RNF185: variants seen among roughly 807,000 people sequenced by gnomAD.
RNF185 encodes the protein E3 ubiquitin-protein ligase RNF185.
Under a neutral mutation model 24.9 loss-of-function variants are expected in RNF185, and 13 were observed. The observed-to-expected ratio is 0.52, with a 90% CI of 0.34 to 0.83. The LOEUF (loss-of-function observed/expected upper bound fraction) is 0.83. RNF185 is among the 40% of genes least tolerant of loss of function. RNF185 has a pLI of 0.01. For synonymous variants in RNF185, 79 were observed against 90.3 expected (o/e 0.88, Z 0.71); for missense variants, 184 against 244.7 (o/e 0.75, Z 1.65).
chr22:31,194,254 T>G (rs1052793746), intron 3 of RNF185, among the ~76,000 whole-genome samples: 1 of 152,062 alleles, frequency 6.6e-6, no homozygotes, highest in Non-Finnish European at 1.5e-5. Flanking sequence ...AAAACGGGAT[T>G]TTTTTTATAT....
intron 5 of RNF185, 73 bp from the exon 6 acceptor site, chr22:31,201,425 T>C: frequency 4.9e-6 from 5 of 1,023,918 alleles, no homozygotes; most frequent in Non-Finnish European, 6.2e-6. Flanking sequence ...CAACGTGAGG[T>C]ATGTTGAGTT....
At chr22:31,171,785 A>T (rs750266818) in intron 1 of RNF185, among the ~76,000 whole-genome samples, 1 of 152,064 alleles carries the variant, frequency 6.6e-6, no homozygotes, top group African/African-American at 2.4e-5. Context: ...CCTGACCAAC[A>T]TGGAGAAACA....
At position 31,206,579 on chromosome 22, in the gene RNF185, ACT is replaced by A. The variant is rs2048316517; in HGVS notation, c.*1996_*1997del. The A allele has an allele frequency of 1.3e-5, 2 of 152,276 alleles. No homozygotes were observed. Among genetic ancestry groups the A allele is most frequent in the South Asian group, 4.1e-4 (2 of 4,828 alleles). The allele number at this position is 152,276 out of a possible 1,614,324, so 9.4% of individuals were successfully genotyped here. A position where few individuals can be genotyped will look rare whatever the true frequency, so the allele number is the denominator to read the frequency against. On this transcript the variant is annotated 3_prime_UTR_variant, in exon 7 of 7. Transcript: ENST00000326132. ...GTGGGTAGGAAAATGAATCATTTGG[ACT>A]CTTCAATGAAATGGAGTGAGCCCAG...
intron 6 of RNF185, 136 bp downstream of exon 6, chr22:31,201,751 C>T (rs760616672): frequency 1.3e-5 from 9 of 673,838 alleles, no homozygotes; most frequent in Non-Finnish European, 2.1e-5. Flanking sequence ...ATATCTTAAG[C>T]TGTTTTTAGA....
intron 1 of RNF185, among the ~76,000 whole-genome samples, chr22:31,173,986 A>G (rs962726873): frequency 2.0e-5 from 3 of 152,224 alleles, no homozygotes; most frequent in Non-Finnish European, 2.9e-5. Flanking sequence ...GCATATGTCT[A>G]TGAGGAATAT....
chr22:31,165,858 C>G (rs981311848), intron 1 of RNF185, among the ~76,000 whole-genome samples: 1 of 152,206 alleles, frequency 6.6e-6, no homozygotes, highest in African/African-American at 2.4e-5. Context: ...CTGCTCATAG[C>G]TACATAACTA....
chr22:31,173,528 A>C (rs1480713282), intron 1 of RNF185, among the ~76,000 whole-genome samples: 2 of 152,246 alleles, frequency 1.3e-5, no homozygotes, highest in East Asian at 1.9e-4. Context: ...GACAAGACGC[A>C]CAAGAACAGA....
At chr22:31,184,401 C>T (rs1410304430) in intron 1 of RNF185, among the ~76,000 whole-genome samples, 3 of 149,192 alleles carry the variant, frequency 2.0e-5, no homozygotes, top group Admixed American at 6.7e-5. Context: ...ACGGGATGAC[C>T]GCCGGGGAGA....
chr22:31,180,471 A>AT (rs2048024016), intron 1 of RNF185, among the ~76,000 whole-genome samples: 1 of 152,142 alleles, frequency 6.6e-6, no homozygotes, highest in Non-Finnish European at 1.5e-5. Context: ...CTCAAAAAAA[A>AT]AGAAGAAAAA....
At position 31,163,390 on chromosome 22, in the gene RNF185, C is replaced by T. The variant is rs186212940; in HGVS notation, c.-49+3087C>T. 4.6e-5 allele frequency among the ~76,000 whole-genome samples: 7 copies of T among 151,814 alleles called. No individual in the cohort carries two copies. In the East Asian group the frequency reaches 1.2e-3, roughly 25 times the overall value. On this transcript the variant is annotated intron_variant, in intron 1 of 6. Coordinates refer to ENST00000326132, the MANE Select transcript of RNF185 (RefSeq NM_152267.4). ...TTGCCCAGGCTGGAGTGCAGTGGCA[C>T]GAACATAGCCTACTACAGCCTTGAC... is the stretch of plus-strand genomic sequence containing the variant.
chr22:31,201,474 C>G (rs770961278), intron 5 of RNF185, 24 bp from the exon 6 acceptor site: 5 of 1,564,256 alleles, frequency 3.2e-6, no homozygotes, highest in Non-Finnish European at 4.4e-6. Flanking sequence ...TTCTCCTGCC[C>G]TTAATTGCCT....
intron 4 of RNF185, 74 bp from the exon 5 acceptor site, chr22:31,196,862 A>C (rs2048210119): frequency 6.3e-7 from 1 of 1,581,278 alleles, no homozygotes; most frequent in South Asian, 1.2e-5. Flanking sequence ...CTGTTGGTAA[A>C]GAGCTCCAGG....
intron 3 of RNF185, among the ~76,000 whole-genome samples, chr22:31,194,872 C>T (rs1345950387): frequency 1.3e-5 from 2 of 152,128 alleles, no homozygotes; most frequent in African/African-American, 2.4e-5. Flanking sequence ...ACTTGACAGC[C>T]CCAGACTTGC....
chr22:31,164,202 AACTCCTG>A, intron 1 of RNF185, among the ~76,000 whole-genome samples: 1 of 151,746 alleles, frequency 6.6e-6, no homozygotes, highest in Non-Finnish European at 1.5e-5. Flanking sequence ...GCTGGTCCTG[AACTCCTG>A]ACCTCAGGTG....
intron 1 of RNF185, 93 bp from the exon 2 acceptor site, chr22:31,186,954 A>T (rs2048105071): frequency 6.7e-6 from 6 of 889,424 alleles, no homozygotes; most frequent in Non-Finnish European, 1.0e-5. Context: ...AGTCATAATC[A>T]GCTCTGGAGC....
At chr22:31,174,422 T>C (rs2047961481) in intron 1 of RNF185, among the ~76,000 whole-genome samples, 1 of 152,132 alleles carries the variant, frequency 6.6e-6, no homozygotes, top group Non-Finnish European at 1.5e-5. Flanking sequence ...TTCTGTCTCC[T>C]AGGTTGGAGT....
At chr22:31,178,232 G>A (rs760407357) in intron 1 of RNF185, among the ~76,000 whole-genome samples, 4 of 152,172 alleles carry the variant, frequency 2.6e-5, no homozygotes, top group Non-Finnish European at 5.9e-5. Context: ...TGATTAATCT[G>A]AATTCAGCAG....
intron 1 of RNF185, among the ~76,000 whole-genome samples, chr22:31,183,514 T>C (rs1005128786): frequency 5.3e-5 from 8 of 152,270 alleles, no homozygotes; most frequent in Non-Finnish European, 1.2e-4. Context: ...CTGGTTTTCC[T>C]AGGCAGAGGG....
intron 1 of RNF185, among the ~76,000 whole-genome samples, chr22:31,170,513 A>C (rs2047918720): frequency 6.8e-6 from 1 of 146,108 alleles, no homozygotes; most frequent in East Asian, 2.1e-4. Flanking sequence ...TTTTTTATTT[A>C]TTTTATTTAT....
Sources: gnomAD v4.1 joint callset for allele counts (sites outside exome capture counted in the v4.1 genomes callset) on GRCh38, gnomAD v4.1.1 for gene constraint, MANE v1.5 for transcripts, NCBI Gene and HGNC (gene_info 2026-07-23, HGNC 2026-07-21) for gene names.